The following RTTN variants were observed in gnomAD, a reference collection of about 807,000 sequenced individuals.
RTTN encodes rotatin.
A neutral mutation model predicts 269.2 loss-of-function variants in RTTN; 182 were observed. The ratio of observed to expected loss-of-function variants is 0.68; its 90% CI spans 0.60 to 0.76. The LOEUF (loss-of-function observed/expected upper bound fraction) is 0.76, where lower values mean the gene tolerates loss of function less well. RTTN is among the 30% of genes least tolerant of loss of function. The pLI is 0.00. For missense variants in RTTN, 2,545 were observed against 2,608.6 expected (o/e 0.98, Z 0.53); for synonymous variants, 1,006 against 963.5 (o/e 1.04, Z -0.82).
intron 28 of RTTN, among the ~76,000 whole-genome samples, chr18:70,095,343 G>A (rs753516673): frequency 8.5e-5 from 13 of 152,070 alleles, no homozygotes; most frequent in African/African-American, 2.7e-4. Flanking sequence ...CTGTCATTAC[G>A]ATGTTAGCTG....
Position 70,060,014 on chromosome 18 carries a change from T to C in RTTN, c.4776A>G (p.Pro1592=). Residue 1592 remains proline, a synonymous_variant, in exon 36 of 49, where the codon CCA becomes CCG. Transcript: ENST00000640769. The part of the protein sequence containing the change: ...QGHQESTSPR[P]PHDSSLSAPL... ...GAGCAGAAAGAGATGAATCATGAGGTGGCCGTGGTGATGTACTTTCCTGGT... is the reference window on the plus strand; with the variant it reads ...GAGCAGAAAGAGATGAATCATGAGGCGGCCGTGGTGATGTACTTTCCTGGT... 3 of 1,612,058 alleles carry C rather than the reference T, an allele frequency of 1.9e-6. No individual in the cohort carries two copies. Among genetic ancestry groups the C allele is most frequent in the Non-Finnish European group, 2.5e-6 (3 of 1,179,170 alleles).
intron 30 of RTTN, among the ~76,000 whole-genome samples, chr18:70,091,147 T>C (rs1386227624): frequency 1.3e-5 from 2 of 152,182 alleles, no homozygotes; most frequent in Non-Finnish European, 2.9e-5. Context: ...GATGAGATTT[T>C]GGACTTTAGA....
chr18:70,177,789 G>T (rs80026146), intron 10 of RTTN, among the ~76,000 whole-genome samples: 13 of 152,132 alleles, frequency 8.5e-5, no homozygotes, highest in Non-Finnish European at 1.8e-4. Flanking sequence ...AGCACAAGTC[G>T]TTGGCAAGAA....
At chr18:70,147,327 C>T (rs1381924139) in intron 17 of RTTN, among the ~76,000 whole-genome samples, 1 of 152,094 alleles carries the variant, frequency 6.6e-6, no homozygotes, top group Non-Finnish European at 1.5e-5. Context: ...CACTGTGTTA[C>T]AACTGCATAT....
In RTTN at chr18:70,092,165, G is replaced by C. The variant is rs986152715; in HGVS notation, c.4088C>G (p.Pro1363Arg). The change falls in exon 30 of 49, where the codon CCT becomes CGT. Residue 1363 changes from proline (P) to arginine (R), a missense_variant. By Grantham distance (103) the Pro-to-Arg change is moderately radical. Transcript: ENST00000640769. ...CAACCAAGCCAATCCTTGTTGAGTA[G>C]GAATATGTTCTTCACTATGACTACC... Reference protein sequence around the residue: ...PLGSHSEEHIPTQQGLAWLIP... With the variant: ...PLGSHSEEHIRTQQGLAWLIP... 1.2e-6 allele frequency: 2 copies of C among 1,613,424 alleles called. No individual in the cohort carries two copies. The highest frequency in any genetic ancestry group is 2.7e-5 in the African/African-American group (2 of 74,834).
At chr18:70,005,463 CTCT>C (rs2056155687) in intron 47 of RTTN, 196 bp from the exon 48 acceptor site, 3 of 404,556 alleles carry the variant, frequency 7.4e-6, no homozygotes, top group Non-Finnish European at 1.3e-5. Context: ...TGCCCATATC[CTCT>C]TATCTAACTT....
chr18:70,149,487 C>T (rs1054142403), intron 16 of RTTN, among the ~76,000 whole-genome samples: 1 of 148,672 alleles, frequency 6.7e-6, no homozygotes, highest in African/African-American at 2.5e-5. Context: ...TCCACCTTTT[C>T]ATCCAAAAGA....
In RTTN at chr18:70,169,022, G is replaced by A. The variant is rs2145925400; in HGVS notation, c.1522C>T (p.Leu508Phe). 1 of 1,612,364 alleles carries A rather than the reference G, an allele frequency of 6.2e-7. No individual in the cohort carries two copies. Among genetic ancestry groups the A allele is most frequent in the South Asian group, 1.1e-5 (1 of 90,728 alleles). ...SEPMSTALFL[L>F]SLDMPISLEY... ...AAAGAAATAGGCATGTCCAAAGAAA[G>A]GAGAAATAATGCTGTTGACATAGGC... is the stretch of plus-strand genomic sequence containing the variant. Residue 508 changes from leucine to phenylalanine, a missense_variant, in exon 12 of 49, where the codon CTT becomes TTT. By Grantham distance (22) the Leu-to-Phe change is conservative. Transcript: ENST00000640769.
intron 40 of RTTN, among the ~76,000 whole-genome samples, chr18:70,045,897 G>A (rs1470031568): frequency 6.6e-6 from 1 of 152,108 alleles, no homozygotes; most frequent in Non-Finnish European, 1.5e-5. Context: ...CTAGTCATTA[G>A]GAAAATCATT....
intron 25 of RTTN, among the ~76,000 whole-genome samples, chr18:70,123,015 C>A (rs2059777677): frequency 6.6e-6 from 1 of 152,076 alleles, no homozygotes; most frequent in African/African-American, 2.4e-5. Context: ...TAACTCAGGG[C>A]CTATCCCTTT....
chr18:70,143,926 C>A (rs532337158), intron 18 of RTTN, among the ~76,000 whole-genome samples: 2 of 151,702 alleles, frequency 1.3e-5, no homozygotes, highest in African/African-American at 4.8e-5. Flanking sequence ...GTGGTGCAAT[C>A]TCAGCTCACT....
At chr18:70,043,120 A>T (rs1362256152) in intron 40 of RTTN, among the ~76,000 whole-genome samples, 1 of 152,240 alleles carries the variant, frequency 6.6e-6, no homozygotes, top group Non-Finnish European at 1.5e-5. Context: ...AATTGGGAAG[A>T]GATTTCTTCC....
chr18:70,029,510 A>G (rs2056951963), intron 42 of RTTN, among the ~76,000 whole-genome samples: 1 of 152,170 alleles, frequency 6.6e-6, no homozygotes, highest in Non-Finnish European at 1.5e-5. Flanking sequence ...AACAGAGATG[A>G]GGAATACCAG....
chr18:70,047,287 A>G (rs1481132560), intron 40 of RTTN, among the ~76,000 whole-genome samples: 1 of 152,238 alleles, frequency 6.6e-6, no homozygotes, highest in Non-Finnish European at 1.5e-5. Context: ...ATAATTCTAA[A>G]TACTGAAAAA....
intron 14 of RTTN, among the ~76,000 whole-genome samples, chr18:70,158,342 A>G (rs1448758921): frequency 6.6e-6 from 1 of 152,234 alleles, no homozygotes; most frequent in African/African-American, 2.4e-5. Context: ...TATCCAGCCA[A>G]GCTAAGCTTC....
intron 45 of RTTN, 70 bp downstream of exon 45, chr18:70,020,545 T>G: frequency 7.4e-7 from 1 of 1,343,402 alleles, no homozygotes; most frequent in Non-Finnish European, 1.0e-6. Context: ...AATTGAGTTG[T>G]AAACTTTTGA....
intron 28 of RTTN, among the ~76,000 whole-genome samples, chr18:70,107,864 C>T (rs1254619804): frequency 6.6e-6 from 1 of 152,182 alleles, no homozygotes; most frequent in Non-Finnish European, 1.5e-5. Flanking sequence ...TTGATGAATA[C>T]CTTCACAGTA....
chr18:70,019,803 C>A (rs561994856), intron 45 of RTTN: 2 of 152,256 alleles, frequency 1.3e-5, no homozygotes, highest in East Asian at 3.9e-4. Flanking sequence ...AAAGACCGAA[C>A]TTTCTATTTA....
intron 11 of RTTN, among the ~76,000 whole-genome samples, chr18:70,169,309 T>C (rs533348433): frequency 1.3e-5 from 2 of 152,316 alleles, no homozygotes; most frequent in South Asian, 4.1e-4. Flanking sequence ...AAGCCTAAGA[T>C]ACTAACTACT....
Sources: allele counts gnomAD v4.1 joint callset (sites outside exome capture counted in the v4.1 genomes callset), GRCh38; gene constraint gnomAD v4.1.1; transcripts MANE v1.5; gene names NCBI Gene and HGNC (gene_info 2026-07-23, HGNC 2026-07-21).